EMP2: variants seen among roughly 807,000 people sequenced by gnomAD.
The protein encoded by EMP2 is epithelial membrane protein 2.
EMP2 carries 19 observed loss-of-function variants against 13.7 expected under a neutral mutation model. The ratio of observed to expected loss-of-function variants is 1.38; its 90% CI spans 0.97 to 2.03. The LOEUF (loss-of-function observed/expected upper bound fraction) is 2.03, where lower values mean the gene tolerates loss of function less well. EMP2 is among the 30% of genes most tolerant of loss of function. The pLI is 0.00. For missense variants in EMP2, 253 were observed against 220.7 expected (o/e 1.15, Z -0.93); for synonymous variants, 97 against 84.7 (o/e 1.15, Z -0.80).
chr16:10,546,260 CT>C, intron 2 of EMP2: 1 of 152,316 alleles, frequency 6.6e-6, no homozygotes, highest in Non-Finnish European at 1.5e-5. Context: ...GTATGGTGTA[CT>C]TTTTGGCTTT....
chr16:10,579,300 G>A (rs143574037), intron 1 of EMP2, among the ~76,000 whole-genome samples: 220 of 152,192 alleles, frequency 1.4e-3, no homozygotes, highest in African/African-American at 5.2e-3. Context: ...ATAATGTGTC[G>A]GTTCTTAGAT....
intron 1 of EMP2, among the ~76,000 whole-genome samples, chr16:10,553,213 T>A (rs935204523): frequency 2.7e-4 from 41 of 152,226 alleles, no homozygotes; most frequent in African/African-American, 9.4e-4. Context: ...GTCTCCCTTC[T>A]GCGCCACTAT....
Position 10,570,074 on chromosome 16 carries a change from C to G in EMP2, c.-61+10475G>C, listed in dbSNP as rs7190235. The stretch of plus-strand genomic sequence containing the variant: ...ACTGGGGATACATCGCGATGGTTAC[C>G]GGGGTGCCCTGGTGAACTATCAGAT... On this transcript the variant is annotated intron_variant, in intron 1 of 4. Coordinates refer to ENST00000359543, the MANE Select transcript of EMP2 (RefSeq NM_001424.6). Among the ~76,000 whole-genome samples the G allele has an allele frequency of 8.5e-5, 13 of 152,088 alleles. No individual in the cohort carries two copies. The South Asian group carries it at 2.7e-3, about 32-fold the overall frequency.
At chr16:10,552,822 T>C (rs1457845127) in intron 1 of EMP2, among the ~76,000 whole-genome samples, 1 of 152,182 alleles carries the variant, frequency 6.6e-6, no homozygotes, top group African/African-American at 2.4e-5. Flanking sequence ...TGGGAAGTAC[T>C]GCTTTAAGCT....
At chr16:10,548,183 G>C (rs1313203104) in intron 1 of EMP2, among the ~76,000 whole-genome samples, 1 of 152,182 alleles carries the variant, frequency 6.6e-6, no homozygotes, top group Non-Finnish European at 1.5e-5. Flanking sequence ...TCCTTGTGGA[G>C]GAGGAGGGTG....
rs71402494 is a variant in EMP2, at chr16:10,549,729, T to TCACACACACACA, written c.-60-2064_-60-2053dup. 9.0e-3 allele frequency among the ~76,000 whole-genome samples: 1,343 copies of TCACACACACACA among 149,656 alleles called. 25 individuals are homozygous for TCACACACACACA. Among genetic ancestry groups the TCACACACACACA allele is most frequent in the African/African-American group, 0.031 (1,271 of 40,888 alleles). On this transcript the variant is annotated intron_variant, in intron 1 of 4. Coordinates refer to ENST00000359543, the MANE Select transcript of EMP2 (RefSeq NM_001424.6). ...GATTAATGCACGCACACACACACAC[T>TCACACACACACA]CACACACACACACACACACATACAC...
chr16:10,538,132 G>A (rs1386505734), intron 3 of EMP2, 58 bp from the exon 4 acceptor site: 7 of 1,587,972 alleles, frequency 4.4e-6, no homozygotes, highest in African/African-American at 4.0e-5. Context: ...GCACTGTGGG[G>A]TACACAGCGA....
intron 1 of EMP2, chr16:10,577,938 G>A (rs2050995066): frequency 6.6e-6 from 1 of 151,518 alleles, no homozygotes; most frequent in Non-Finnish European, 1.5e-5. Flanking sequence ...GCAGCCACAT[G>A]TTGTCCCCCC....
chr16:10,571,507 G>A (rs751123366), intron 1 of EMP2, among the ~76,000 whole-genome samples: 4 of 152,154 alleles, frequency 2.6e-5, no homozygotes, highest in Non-Finnish European at 4.4e-5. Flanking sequence ...AGATTCGGAA[G>A]GTCAGTCAGC....
chr16:10,533,162 A>G (rs1454584777), intron 4 of EMP2, 70 bp from the exon 5 acceptor site: 2 of 1,302,608 alleles, frequency 1.5e-6, no homozygotes, highest in Non-Finnish European at 2.0e-6. Context: ...CCAGGGGCAT[A>G]CGGCCAGAGT....
chr16:10,540,536 A>AAAT (rs1245045990), intron 3 of EMP2, among the ~76,000 whole-genome samples: 1 of 151,826 alleles, frequency 6.6e-6, no homozygotes, highest in Non-Finnish European at 1.5e-5. Context: ...ACAAATAAAT[A>AAAT]AATAGATTTC....
In EMP2 at chr16:10,529,546, C is replaced by T. The variant is rs527360655; in HGVS notation, c.*3359G>A. ...TTCAACACAGATACTCATGTAGCCCCGACGTTTCTTGTGAAGGGAATTGAT... is the reference window on the plus strand; with the variant it reads ...TTCAACACAGATACTCATGTAGCCCTGACGTTTCTTGTGAAGGGAATTGAT... On this transcript the variant is annotated 3_prime_UTR_variant, in exon 5 of 5. Coordinates refer to ENST00000359543, the MANE Select transcript of EMP2 (RefSeq NM_001424.6). 5 of 152,266 alleles carry T rather than the reference C, an allele frequency of 3.3e-5. No individual in the cohort carries two copies. The highest frequency in any genetic ancestry group is 6.5e-5 in the Admixed American group (1 of 15,292). The allele number at this position is 152,266 out of a possible 1,614,324, so 9.4% of individuals were successfully genotyped here. A position where few individuals can be genotyped will look rare whatever the true frequency, so the allele number is the denominator to read the frequency against.
chr16:10,569,096 A>G (rs1248894398), intron 1 of EMP2, among the ~76,000 whole-genome samples: 2 of 151,940 alleles, frequency 1.3e-5, no homozygotes, highest in East Asian at 3.9e-4. Context: ...CTGTGCTAGG[A>G]ATTTTCTAAG....
At chr16:10,535,929 T>C (rs1160526018) in intron 4 of EMP2, among the ~76,000 whole-genome samples, 1 of 151,996 alleles carries the variant, frequency 6.6e-6, no homozygotes, top group East Asian at 1.9e-4. Flanking sequence ...GGGACAGGAG[T>C]ACAAATCCCC....
At chr16:10,558,322 C>T (rs1037293953) in intron 1 of EMP2, among the ~76,000 whole-genome samples, 2 of 152,166 alleles carry the variant, frequency 1.3e-5, no homozygotes, top group African/African-American at 4.8e-5. Flanking sequence ...CCAGGGTGCC[C>T]AGCTGGAGTT....
chr16:10,574,705 C>T lies in EMP2; in HGVS notation c.-61+5844G>A, dbSNP rs139433360. Among the ~76,000 whole-genome samples the T allele has an allele frequency of 3.7e-4, 57 of 152,172 alleles. 1 individual carries two copies. In the East Asian group the frequency reaches 0.011, roughly 29 times the overall value. On this transcript the variant is annotated intron_variant, in intron 1 of 4. Coordinates refer to ENST00000359543, the MANE Select transcript of EMP2 (RefSeq NM_001424.6). ...TAGCTGGGACTACAGGTGTGTGCCA[C>T]CATGCCGGCTAATTTTTTGTATTTT...
chr16:10,529,945 A>AG lies in EMP2; in HGVS notation c.*2959_*2960insC, dbSNP rs1213893797. The AG allele has an allele frequency of 1.7e-4, 25 of 151,442 alleles. No homozygotes were observed. Among genetic ancestry groups the AG allele is most frequent in the East Asian group, 1.2e-3 (6 of 5,184 alleles). The allele number at this position is 151,442 out of a possible 1,614,324, so 9.4% of individuals were successfully genotyped here. On this transcript the variant is annotated 3_prime_UTR_variant, in exon 5 of 5. Transcript: ENST00000359543. ...AAACTCAGTCTCAAAAAAAAAAAAAAAAAAGAAAAAGAAAAAAGAAAATTA... is the reference window on the plus strand; with the variant it reads ...AAACTCAGTCTCAAAAAAAAAAAAAAGAAAAGAAAAAGAAAAAAGAAAATTA...
chr16:10,575,617 T>G (rs1439897556), intron 1 of EMP2, among the ~76,000 whole-genome samples: 1 of 152,026 alleles, frequency 6.6e-6, no homozygotes, highest in Admixed American at 6.5e-5. Context: ...CCCACTGTAT[T>G]GCCAAAGCCT....
rs35927182 is a variant in EMP2 at position 10,532,740 on chromosome 16, AT to A, written c.*164del. 119,021 of 201,866 alleles carry A rather than the reference AT, an allele frequency of 0.59. 46,518 individuals are homozygous for A. Among genetic ancestry groups the A allele is most frequent in the African/African-American group, 0.81 (24,004 of 29,670 alleles). 12.5% of individuals were successfully genotyped at this position (201,866 alleles called of 1,614,324 possible). A position where few individuals can be genotyped will look rare whatever the true frequency, so the allele number is the denominator to read the frequency against. ...ATGCAAAAACTCTTCTCTCTTTTGG[AT>A]TTTTTTTTTCTTTTTTCTTTTTTTT... is the stretch of plus-strand genomic sequence containing the variant. On this transcript the variant is annotated 3_prime_UTR_variant, in exon 5 of 5. Coordinates refer to ENST00000359543, the MANE Select transcript of EMP2 (RefSeq NM_001424.6).
Sources: gnomAD v4.1 joint callset for allele counts (sites outside exome capture counted in the v4.1 genomes callset) on GRCh38, gnomAD v4.1.1 for gene constraint, MANE v1.5 for transcripts, NCBI Gene and HGNC (gene_info 2026-07-23, HGNC 2026-07-21) for gene names.